Variants in RBFOX1 observed in about 807,000 individuals in gnomAD.
RBFOX1 encodes the protein RNA binding fox-1 homolog 1.
Under a neutral mutation model 57.7 loss-of-function variants are expected in RBFOX1, and 8 were observed. The observed-to-expected ratio is 0.14, with a 90% CI of 0.08 to 0.25. The LOEUF (loss-of-function observed/expected upper bound fraction) is 0.25, where lower values mean the gene tolerates loss of function less well. Among genes scored for constraint, RBFOX1 ranks in the 10% least tolerant of loss-of-function variants. The probability of loss-of-function intolerance (pLI) is 1.00; values close to 1 mark genes in which losing one functional copy is unlikely to be tolerated. For missense variants in RBFOX1, 611 were observed against 548.5 expected (o/e 1.11, Z -1.14); for synonymous variants, 326 against 222.4 (o/e 1.47, Z -4.15).
chr16:5,707,612 T>C (rs992104165), intron 3 of RBFOX1, among the ~76,000 whole-genome samples: 4 of 152,248 alleles, frequency 2.6e-5, no homozygotes, highest in Non-Finnish European at 5.9e-5. Flanking sequence ...AGGCACAGTT[T>C]CCAGGGAAGA....
intron 2 of RBFOX1, among the ~76,000 whole-genome samples, chr16:5,506,571 C>T (rs749955267): frequency 2.6e-5 from 4 of 152,170 alleles, no homozygotes; most frequent in Non-Finnish European, 4.4e-5. Context: ...GTGCAGCCAG[C>T]CTAGCTCAGC....
chr16:6,368,030 T>C (rs76799571), intron 2 of RBFOX1, among the ~76,000 whole-genome samples: 1,656 of 152,324 alleles, frequency 0.011, 25 homozygotes, highest in Non-Finnish European at 0.019. Context: ...AAATGTCCTA[T>C]TTTCTTTACG....
intron 3 of RBFOX1, among the ~76,000 whole-genome samples, chr16:6,893,856 T>G (rs1294434242): frequency 6.6e-6 from 1 of 152,166 alleles, no homozygotes; most frequent in Non-Finnish European, 1.5e-5. Context: ...ATGGAATGAA[T>G]TGTATGGGGA....
intron 4 of RBFOX1, among the ~76,000 whole-genome samples, chr16:7,403,771 C>G (rs1423631180): frequency 3.9e-5 from 6 of 152,072 alleles, no homozygotes; most frequent in Middle Eastern, 3.2e-3. Context: ...GTCTCGAACT[C>G]CTGACCTCAG....
intron 6 of RBFOX1, among the ~76,000 whole-genome samples, chr16:7,585,118 C>T (rs1247153761): frequency 6.6e-6 from 1 of 152,190 alleles, no homozygotes; most frequent in Non-Finnish European, 1.5e-5. Flanking sequence ...TGCTTCTAGG[C>T]TCTTATGCCT....
intron 2 of RBFOX1, among the ~76,000 whole-genome samples, chr16:6,626,139 G>GT (rs112941400): frequency 0.044 from 6,006 of 137,148 alleles, 154 homozygotes; most frequent in Non-Finnish European, 0.057. Flanking sequence ...AATTCTGCAG[G>GT]TTTTTTTTTT....
chr16:7,378,110 A>G (rs1399040562), intron 4 of RBFOX1, among the ~76,000 whole-genome samples: 1 of 152,192 alleles, frequency 6.6e-6, no homozygotes, highest in Admixed American at 6.5e-5. Flanking sequence ...AATAATTGAG[A>G]AGTAGATCAG....
At chr16:5,793,186 C>G (rs1410435159) in intron 3 of RBFOX1, among the ~76,000 whole-genome samples, 1 of 152,184 alleles carries the variant, frequency 6.6e-6, no homozygotes, top group Non-Finnish European at 1.5e-5. Flanking sequence ...GCACTTCAGC[C>G]TCTGAGAAGT....
chr16:6,584,587 T>C (rs1383859366), intron 2 of RBFOX1, among the ~76,000 whole-genome samples: 1 of 151,962 alleles, frequency 6.6e-6, no homozygotes, highest in African/African-American at 2.4e-5. Flanking sequence ...CAGGCTGGTC[T>C]CAAACTCCTC....
At chr16:6,137,389 C>A (rs577450037) in intron 1 of RBFOX1, among the ~76,000 whole-genome samples, 2 of 152,242 alleles carry the variant, frequency 1.3e-5, no homozygotes, top group Admixed American at 1.3e-4. Context: ...ACTGCAGCTG[C>A]CTTCTCCCAG....
chr16:5,878,203 C>T (rs2057665440), intron 4 of RBFOX1, among the ~76,000 whole-genome samples: 1 of 152,118 alleles, frequency 6.6e-6, no homozygotes, highest in African/African-American at 2.4e-5. Context: ...CTGAAGGTGA[C>T]TCTTCATTGT....
intron 3 of RBFOX1, among the ~76,000 whole-genome samples, chr16:6,926,112 C>A (rs183101793): frequency 2.6e-5 from 4 of 151,898 alleles, no homozygotes; most frequent in South Asian, 2.1e-4. Context: ...TCAAGACCAG[C>A]CTGGCCAACA....
intron 2 of RBFOX1, among the ~76,000 whole-genome samples, chr16:5,597,708 T>C (rs1234488959): frequency 1.3e-5 from 2 of 152,154 alleles, no homozygotes; most frequent in Admixed American, 6.5e-5. Context: ...GCTGACACTT[T>C]TGAGGCAGGA....
rs1474094444 is a variant in RBFOX1 at position 6,253,697 on chromosome 16, G to GTA, written c.-126-63297_-126-63296insAT. ...TGCATGTGTGTGTGTGTGTGTGTGT[G>GTA]TGTATATATATATATATGTACCTAT... On this transcript the variant is annotated intron_variant, in intron 1 of 15. Transcript: ENST00000550418. 3.4e-3 allele frequency among the ~76,000 whole-genome samples: 298 copies of GTA among 88,608 alleles called. 2 individuals are homozygous for GTA. The highest frequency in any genetic ancestry group is 7.8e-3 in the African/African-American group (268 of 34,374). 58.1% of individuals were successfully genotyped at this position (88,608 alleles called of 152,430 possible).
chr16:5,627,146 C>A (rs1479267957), intron 3 of RBFOX1, among the ~76,000 whole-genome samples: 2 of 152,126 alleles, frequency 1.3e-5, no homozygotes, highest in Non-Finnish European at 2.9e-5. Context: ...CTGAAAAAAT[C>A]CACCATTAGA....
At chr16:5,665,111 A>T (rs930480624) in intron 3 of RBFOX1, among the ~76,000 whole-genome samples, 1 of 128,842 alleles carries the variant, frequency 7.8e-6, no homozygotes, top group Admixed American at 8.4e-5. Flanking sequence ...ATGGCTGGCT[A>T]ACTTTTTGAT....
At chr16:7,680,963 G>C (rs576699073) in intron 14 of RBFOX1, among the ~76,000 whole-genome samples, 17 of 152,166 alleles carry the variant, frequency 1.1e-4, no homozygotes, top group African/African-American at 3.9e-4. Context: ...AGTGTTTTCA[G>C]GTAAAGCTTA....
intron 4 of RBFOX1, among the ~76,000 whole-genome samples, chr16:7,120,218 C>T (rs1436108543): frequency 1.3e-5 from 2 of 151,852 alleles, no homozygotes; most frequent in East Asian, 1.9e-4. Context: ...ATGCTAAGTG[C>T]TTCTATTAGA....
intron 1 of RBFOX1, among the ~76,000 whole-genome samples, chr16:6,119,608 G>C (rs146375366): frequency 6.6e-6 from 1 of 152,132 alleles, no homozygotes; most frequent in Non-Finnish European, 1.5e-5. Flanking sequence ...CATTTATTCA[G>C]TATTTATATC....
Sources: gnomAD v4.1 joint callset for allele counts (sites outside exome capture counted in the v4.1 genomes callset) on GRCh38, gnomAD v4.1.1 for gene constraint, MANE v1.5 for transcripts, NCBI Gene and HGNC (gene_info 2026-07-23, HGNC 2026-07-21) for gene names.